RALYL: variants seen among roughly 807,000 people sequenced by gnomAD.
RALYL encodes RALY RNA binding protein like.
Under a neutral mutation model 35.1 loss-of-function variants are expected in RALYL, and 29 were observed. The observed-to-expected ratio is 0.83, with a 90% CI of 0.61 to 1.13. The LOEUF (loss-of-function observed/expected upper bound fraction) is 1.13. Ranked by LOEUF, RALYL falls within the 50% of genes most tolerant of loss-of-function variation. The pLI is 0.00. For missense variants in RALYL, 359 were observed against 360.4 expected (o/e 1.00, Z 0.03); for synonymous variants, 120 against 127.6 (o/e 0.94, Z 0.40).
intron 2 of RALYL, among the ~76,000 whole-genome samples, chr8:84,540,128 C>T (rs1323465964): frequency 2.0e-5 from 3 of 151,436 alleles, no homozygotes; most frequent in Non-Finnish European, 4.4e-5. Context: ...ATTTTTAAAC[C>T]AGTGTATGTG....
At chr8:84,201,191 A>G (rs1215873939) in intron 1 of RALYL, among the ~76,000 whole-genome samples, 2 of 152,306 alleles carry the variant, frequency 1.3e-5, no homozygotes, top group African/African-American at 2.4e-5. Flanking sequence ...TTTCAAGACT[A>G]TATGTAAAAT....
intron 1 of RALYL, among the ~76,000 whole-genome samples, chr8:84,415,205 G>GTTTTTTTTTTTTTTTTTTTTT (rs33962115): frequency 1.8e-5 from 1 of 54,664 alleles, no homozygotes; most frequent in African/African-American, 5.2e-5. Flanking sequence ...GCAGACACTC[G>GTTTTTTTTTTTTTTTTTTTTT]TTTTTTTTTT....
intron 2 of RALYL, among the ~76,000 whole-genome samples, chr8:84,738,853 T>G (rs1847796404): frequency 6.6e-6 from 1 of 151,992 alleles, no homozygotes; most frequent in African/African-American, 2.4e-5. Flanking sequence ...TAATGAATGT[T>G]TGCAATTTTT....
chr8:84,359,239 C>CT (rs5892912), intron 1 of RALYL, among the ~76,000 whole-genome samples: 11 of 147,114 alleles, frequency 7.5e-5, no homozygotes, highest in South Asian at 6.5e-4. Context: ...ATTTTGAGAG[C>CT]TTTTTTTTTT....
intron 1 of RALYL, among the ~76,000 whole-genome samples, chr8:84,390,106 G>GT (rs1326978772): frequency 1.8e-3 from 276 of 151,302 alleles, no homozygotes; most frequent in African/African-American, 6.5e-3. Context: ...GATAATCATG[G>GT]TTTTTGTCTT....
intron 8 of RALYL, 57 bp downstream of exon 8, chr8:84,887,833 C>A: frequency 7.1e-7 from 1 of 1,407,712 alleles, no homozygotes; most frequent in Non-Finnish European, 9.8e-7. Flanking sequence ...AGCATGTTAG[C>A]AACTCATTCA....
rs758451494 is a variant in RALYL, at chr8:84,920,927, G to C, written c.*16G>C. ...GATAAAGTGATCTGAAATAACGCAT[G>C]ATGCCACAAAGCAGAAAAGAGAAAC... On this transcript the variant is annotated 3_prime_UTR_variant, in exon 9 of 9. Coordinates refer to ENST00000521268, the MANE Select transcript of RALYL (RefSeq NM_173848.7). 1.4e-6 allele frequency: 2 copies of C among 1,441,606 alleles called. No individual in the cohort carries two copies. The highest frequency in any genetic ancestry group is 5.3e-5 in the East Asian group (2 of 37,482). The allele number at this position is 1,441,606 out of a possible 1,614,324, so 89.3% of individuals were successfully genotyped here.
intron 1 of RALYL, among the ~76,000 whole-genome samples, chr8:84,522,500 C>T (rs952514445): frequency 3.4e-4 from 52 of 152,152 alleles, no homozygotes; most frequent in Non-Finnish European, 2.2e-4. Flanking sequence ...CCGCCCGCCT[C>T]GGCCTCCCAA....
intron 1 of RALYL, among the ~76,000 whole-genome samples, chr8:84,370,930 A>G (rs1855551056): frequency 6.6e-6 from 1 of 152,020 alleles, no homozygotes. Context: ...TAAGATTATT[A>G]TGATAATAAT....
At chr8:84,512,840 T>G (rs922308569) in intron 1 of RALYL, among the ~76,000 whole-genome samples, 3 of 152,208 alleles carry the variant, frequency 2.0e-5, no homozygotes, top group African/African-American at 7.2e-5. Context: ...TGGCTATAAA[T>G]ATGTTGATTT....
At chr8:84,394,666 A>G (rs745747175) in intron 1 of RALYL, among the ~76,000 whole-genome samples, 12 of 152,132 alleles carry the variant, frequency 7.9e-5, no homozygotes, top group Non-Finnish European at 1.5e-4. Flanking sequence ...TATACCATAT[A>G]TATGATGCTT....
chr8:84,686,131 T>C (rs1836735195), intron 2 of RALYL, among the ~76,000 whole-genome samples: 1 of 152,204 alleles, frequency 6.6e-6, no homozygotes, highest in South Asian at 2.1e-4. Context: ...TTTTTCTTTT[T>C]ATCAATTCCT....
intron 2 of RALYL, among the ~76,000 whole-genome samples, chr8:84,615,147 T>C (rs1252188858): frequency 6.6e-6 from 1 of 151,792 alleles, no homozygotes; most frequent in Non-Finnish European, 1.5e-5. Context: ...CTTTAAGATA[T>C]TTGTAGTTTT....
chr8:84,362,498 G>A (rs1225958176), intron 1 of RALYL, among the ~76,000 whole-genome samples: 1 of 152,068 alleles, frequency 6.6e-6, no homozygotes, highest in Admixed American at 6.6e-5. Flanking sequence ...GGAGGCAAGC[G>A]AGCATTACCC....
chr8:84,890,981 C>T (rs1346783885), intron 8 of RALYL, among the ~76,000 whole-genome samples: 3 of 151,798 alleles, frequency 2.0e-5, no homozygotes, highest in Non-Finnish European at 4.4e-5. Flanking sequence ...CCTACATATA[C>T]CATTAAGGAC....
At chr8:84,552,364 T>A (rs1167916340) in intron 2 of RALYL, among the ~76,000 whole-genome samples, 29 of 118,496 alleles carry the variant, frequency 2.4e-4, no homozygotes, top group East Asian at 1.0e-3. Flanking sequence ...ATATATTTTT[T>A]TTTTTTTTTT....
chr8:84,497,539 GTATCA>G (rs749823573), intron 1 of RALYL, among the ~76,000 whole-genome samples: 8 of 150,980 alleles, frequency 5.3e-5, no homozygotes, highest in Non-Finnish European at 1.0e-4. Context: ...AGTGAGGATA[GTATCA>G]TATAAGTTAT....
At chr8:84,331,973 C>T (rs188412288) in intron 1 of RALYL, among the ~76,000 whole-genome samples, 5 of 152,100 alleles carry the variant, frequency 3.3e-5, no homozygotes, top group East Asian at 1.9e-4. Flanking sequence ...GTTTATGTTA[C>T]GAGGTTCTTA....
chr8:84,209,603 A>T (rs924581222), intron 1 of RALYL, among the ~76,000 whole-genome samples: 1 of 152,074 alleles, frequency 6.6e-6, no homozygotes, highest in African/African-American at 2.4e-5. Flanking sequence ...ATTACCTGGG[A>T]GTTTTAAAAA....
Sources: allele counts gnomAD v4.1 joint callset (sites outside exome capture counted in the v4.1 genomes callset), GRCh38; gene constraint gnomAD v4.1.1; transcripts MANE v1.5; gene names NCBI Gene and HGNC (gene_info 2026-07-23, HGNC 2026-07-21).